SHOC1: variants seen among roughly 807,000 people sequenced by gnomAD.
SHOC1 encodes protein shortage in chiasmata 1 ortholog.
A neutral mutation model predicts 179.2 loss-of-function variants in SHOC1; 136 were observed. The ratio of observed to expected loss-of-function variants is 0.76; its 90% confidence interval spans 0.66 to 0.87. SHOC1 has a LOEUF of 0.87. SHOC1 is among the 40% of genes least tolerant of loss of function. The pLI is 0.00. For missense variants in SHOC1, 1,538 were observed against 1,700.8 expected (o/e 0.90, Z 1.68); for synonymous variants, 489 against 586.6 (o/e 0.83, Z 2.41).
chr9:111,738,550 T>C, intron 11 of SHOC1, 28 bp from the exon 12 acceptor site: 1 of 1,504,750 alleles, frequency 6.6e-7, no homozygotes, highest in Non-Finnish European at 8.8e-7. Flanking sequence ...AACAAATAGT[T>C]AGAAACAGTC....
chr9:111,754,846 C>T (rs774451186), intron 8 of SHOC1, among the ~76,000 whole-genome samples: 13 of 152,142 alleles, frequency 8.5e-5, no homozygotes, highest in Non-Finnish European at 1.6e-4. Context: ...AAATAAGTCA[C>T]AGATGACATA....
At chr9:111,747,877 A>C (rs1834366552) in intron 9 of SHOC1, among the ~76,000 whole-genome samples, 1 of 152,144 alleles carries the variant, frequency 6.6e-6, no homozygotes, top group African/African-American at 2.4e-5. Flanking sequence ...GAACCACCGC[A>C]CTAGGCCTAT....
chr9:111,784,067 T>C (rs1390934891), intron 3 of SHOC1, among the ~76,000 whole-genome samples: 2 of 152,216 alleles, frequency 1.3e-5, no homozygotes, highest in African/African-American at 4.8e-5. Context: ...TATCTCAGAA[T>C]GTTGCATTCC....
intron 9 of SHOC1, 136 bp from the exon 10 acceptor site, chr9:111,746,478 C>G: frequency 1.9e-6 from 1 of 520,152 alleles, no homozygotes; most frequent in Non-Finnish European, 3.5e-6. Context: ...AGTTTAAGAC[C>G]TGGGCAACAT....
At chr9:111,738,154 G>C (rs1392716528) in intron 12 of SHOC1, 126 bp downstream of exon 12, 7 of 748,756 alleles carry the variant, frequency 9.3e-6, no homozygotes, top group Admixed American at 7.6e-5. Context: ...AATTCTGGCA[G>C]AGCCAGGGCC....
intron 15 of SHOC1, among the ~76,000 whole-genome samples, 196 bp from the exon 16 acceptor site, chr9:111,718,484 A>T (rs1399602746): frequency 6.6e-6 from 1 of 152,188 alleles, no homozygotes; most frequent in Non-Finnish European, 1.5e-5. Flanking sequence ...TCCAAATTTT[A>T]TGAATGAGGA....
chr9:111,727,759 C>CT lies in SHOC1; in HGVS notation c.1707dup (p.Ala570SerfsTer4), dbSNP rs765234302. The CT allele has an allele frequency of 6.2e-6, 10 of 1,613,218 alleles. No homozygotes were observed. On this transcript the variant is annotated frameshift_variant, in exon 13 of 28. Coordinates refer to ENST00000682961, the MANE Select transcript of SHOC1 (RefSeq NM_001378211.1). LOFTEE classifies it high-confidence loss of function. ...TGTTTTTTGCCATGTTCAAAAGATG[C>CT]TTTTTTAATTATTGAAGAGGAAGGT...
At chr9:111,699,485 T>C (rs1238373564) in intron 24 of SHOC1, among the ~76,000 whole-genome samples, 1 of 152,118 alleles carries the variant, frequency 6.6e-6, no homozygotes, top group East Asian at 1.9e-4. Context: ...AAGAAAAGAA[T>C]GTAATGTGAT....
chr9:111,720,556 T>A (rs553361932), intron 15 of SHOC1, among the ~76,000 whole-genome samples: 1 of 152,326 alleles, frequency 6.6e-6, no homozygotes, highest in African/African-American at 2.4e-5. Context: ...TACTCTCTTT[T>A]CTCCTCTCTT....
chr9:111,776,515 A>G (rs1564165544), intron 4 of SHOC1, among the ~76,000 whole-genome samples: 1 of 152,194 alleles, frequency 6.6e-6, no homozygotes, highest in African/African-American at 2.4e-5. Context: ...TCGTTCCTCA[A>G]TAAAATTACC....
At chr9:111,791,977 C>A (rs557621346) in intron 1 of SHOC1, among the ~76,000 whole-genome samples, 1 of 152,226 alleles carries the variant, frequency 6.6e-6, no homozygotes, top group African/African-American at 2.4e-5. Context: ...GGGCAGAACT[C>A]TGTGCTGAAA....
chr9:111,691,609 T>TC lies in SHOC1; in HGVS notation c.4367_4368insG (p.Gly1457ArgfsTer7). 1 of 1,613,926 alleles carries TC rather than the reference T, an allele frequency of 6.2e-7. No homozygotes were observed. Among genetic ancestry groups the TC allele is most frequent in the Non-Finnish European group, 8.5e-7 (1 of 1,179,912 alleles). ...AAGATTCATGGTGCCTTTTCTGTCC[T>TC]AAACTTTTTCCAGCTCTTTGGTAGA... On this transcript the variant is annotated frameshift_variant, in exon 27 of 28. Coordinates refer to ENST00000682961, the MANE Select transcript of SHOC1 (RefSeq NM_001378211.1). LOFTEE classifies it high-confidence loss of function.
intron 5 of SHOC1, among the ~76,000 whole-genome samples, chr9:111,774,912 A>C (rs1835770936): frequency 6.6e-6 from 1 of 152,212 alleles, no homozygotes; most frequent in Non-Finnish European, 1.5e-5. Flanking sequence ...GGCAATTTTC[A>C]GCAAGTTTTT....
At chr9:111,772,091 CTTTCTTT>C (rs971673282) in intron 5 of SHOC1, among the ~76,000 whole-genome samples, 6 of 151,838 alleles carry the variant, frequency 4.0e-5, no homozygotes, top group African/African-American at 1.5e-4. Context: ...TGTTCTTTTT[CTTTCTTT>C]TTTCTTTTTT....
chr9:111,725,097 A>G (rs533424730), intron 13 of SHOC1, among the ~76,000 whole-genome samples: 164 of 152,320 alleles, frequency 1.1e-3, no homozygotes, highest in African/African-American at 3.8e-3. Context: ...GAAACACATT[A>G]CCATCTTTAC....
chr9:111,707,707 C>A (rs888322003), intron 19 of SHOC1, 148 bp downstream of exon 19: 2 of 577,652 alleles, frequency 3.5e-6, no homozygotes, highest in Non-Finnish European at 6.1e-6. Flanking sequence ...ATTAAAGTGC[C>A]CTATGTAAAG....
chr9:111,747,678 T>G (rs1399079762), intron 9 of SHOC1, among the ~76,000 whole-genome samples: 1 of 152,126 alleles, frequency 6.6e-6, no homozygotes, highest in Admixed American at 6.5e-5. Flanking sequence ...CCTCGCCAGT[T>G]CAAGCCATTC....
At chr9:111,689,616 T>G (rs200313579) in intron 27 of SHOC1, among the ~76,000 whole-genome samples, 2 of 151,346 alleles carry the variant, frequency 1.3e-5, no homozygotes, top group Admixed American at 6.6e-5. Flanking sequence ...TTTTTTTTAA[T>G]TTAAATAAAA....
intron 23 of SHOC1, among the ~76,000 whole-genome samples, chr9:111,701,614 C>T (rs1291632164): frequency 2.0e-5 from 3 of 151,988 alleles, no homozygotes; most frequent in East Asian, 1.9e-4. Flanking sequence ...AAATGCTTTA[C>T]GCCCTTTATT....
Sources: gnomAD v4.1 joint callset for allele counts (sites outside exome capture counted in the v4.1 genomes callset) on GRCh38, gnomAD v4.1.1 for gene constraint, MANE v1.5 for transcripts, NCBI Gene and HGNC (gene_info 2026-07-23, HGNC 2026-07-21) for gene names.